Variants in MACROH2A1 observed in about 807,000 individuals in gnomAD.
MACROH2A1 encodes the protein core histone macro-H2A.1.
Under a neutral mutation model 31.6 loss-of-function variants are expected in MACROH2A1, and 2 were observed. The observed-to-expected ratio is 0.06, with a 90% confidence interval of 0.03 to 0.20. The LOEUF (loss-of-function observed/expected upper bound fraction) is 0.20. MACROH2A1 is among the 10% of genes least tolerant of loss of function. The pLI is 1.00. For missense variants in MACROH2A1, 230 were observed against 474.0 expected, an observed-to-expected ratio of 0.49 and a Z score of 4.78; for synonymous variants, 169 against 189.6, an observed-to-expected ratio of 0.89 and a Z score of 0.89.
chr5:135,351,579 T>TTTTTTTTTG, intron 6 of MACROH2A1: 1 of 133,534 alleles, frequency 7.5e-6, no homozygotes, highest in Non-Finnish European at 1.6e-5. Context: ...TTTTTTTTTT[T>TTTTTTTTTG]TTACAGATAG....
At chr5:135,385,773 C>G (rs1766318849) in intron 2 of MACROH2A1, among the ~76,000 whole-genome samples, 1 of 152,212 alleles carries the variant, frequency 6.6e-6, no homozygotes, top group African/African-American at 2.4e-5. Flanking sequence ...ATCTCCAAGC[C>G]CCCAAGCAGC....
At position 135,334,662 on chromosome 5, in the gene MACROH2A1, C is replaced by T. The variant is rs569639919; in HGVS notation, c.*314G>A. ...CCTGGCTTCGGTGACAGGTAAAAGA[C>T]GCTGTTCTCCCCACTGCTGTGCGTC... On this transcript the variant is annotated 3_prime_UTR_variant, in exon 9 of 9. Transcript: ENST00000511689. 18 of 237,380 alleles carry T rather than the reference C, an allele frequency of 7.6e-5. No individual in the cohort carries two copies. The highest frequency in any genetic ancestry group is 4.1e-4 in the Admixed American group (8 of 19,448). 14.7% of individuals were successfully genotyped at this position (237,380 alleles called of 1,614,324 possible). A position where few individuals can be genotyped will look rare whatever the true frequency, so the allele number is the denominator to read the frequency against.
chr5:135,368,842 G>A (rs1763837341), intron 4 of MACROH2A1, among the ~76,000 whole-genome samples: 1 of 152,176 alleles, frequency 6.6e-6, no homozygotes, highest in Non-Finnish European at 1.5e-5. Flanking sequence ...TAACACTAAT[G>A]AGAGGGTTTC....
Position 135,398,393 on chromosome 5 carries a change from C to A in MACROH2A1, c.-34+669G>T, listed in dbSNP as rs1002044358. 2.0e-5 allele frequency among the ~76,000 whole-genome samples: 3 copies of A among 152,214 alleles called. No individual in the cohort carries two copies. The highest frequency in any genetic ancestry group is 7.2e-5 in the African/African-American group (3 of 41,454). On this transcript the variant is annotated intron_variant, in intron 1 of 8. Coordinates refer to ENST00000511689, the MANE Select transcript of MACROH2A1 (RefSeq NM_138610.3). This position sits in a 1 kb window ranked among gnomAD's most constrained non-coding sequence, Gnocchi z 4.6. Reference sequence around the variant, plus strand: ...CAAACCCTTCCTACCACAAAGCAAACAAAAGGCTGATACCGAGACAATCGG... The same window carrying A: ...CAAACCCTTCCTACCACAAAGCAAAAAAAAGGCTGATACCGAGACAATCGG...
rs1382246712 is a variant in MACROH2A1, at chr5:135,398,091, G to C, written c.-34+971C>G. 6.6e-6 allele frequency among the ~76,000 whole-genome samples: 1 copy of C among 152,178 alleles called. No homozygotes were observed. The highest frequency in any genetic ancestry group is 1.5e-5 in the Non-Finnish European group (1 of 68,042). On this transcript the variant is annotated intron_variant, in intron 1 of 8. Coordinates refer to ENST00000511689, the MANE Select transcript of MACROH2A1 (RefSeq NM_138610.3). This position sits in a 1 kb window ranked among gnomAD's most constrained non-coding sequence, Gnocchi z 4.6. ...AAGGTTTGTCCCAGTTGTTTGTACA[G>C]AAGTCTCTCACTTTGAAACTCAGAA... is the stretch of plus-strand genomic sequence containing the variant.
chr5:135,389,081 C>A lies in MACROH2A1; in HGVS notation c.13G>T (p.Gly5Cys). Residue 5 changes from glycine to cysteine, a missense_variant, in exon 2 of 9, where the codon GGT (glycine) becomes TGT (cysteine). Transcript: ENST00000511689. Reference protein sequence around the residue: MSSRGGKKKSTKTSR... With the variant: MSSRCGKKKSTKTSR... Reference sequence around the variant, plus strand: ...GTCTTGGTGGACTTCTTCTTCCCACCGCGGCTCGACATGGCGGTGGCCCTG... The same window carrying A: ...GTCTTGGTGGACTTCTTCTTCCCACAGCGGCTCGACATGGCGGTGGCCCTG... 5 of 1,613,156 alleles carry A rather than the reference C, an allele frequency of 3.1e-6. No homozygotes were observed. Among genetic ancestry groups the A allele is most frequent in the Non-Finnish European group, 4.2e-6 (5 of 1,179,216 alleles).
At chr5:135,384,671 CCCTT>C (rs1435539608) in intron 2 of MACROH2A1, among the ~76,000 whole-genome samples, 1 of 152,194 alleles carries the variant, frequency 6.6e-6, no homozygotes, top group Non-Finnish European at 1.5e-5. Context: ...ACTGGAGACT[CCCTT>C]CCTCTCTCAT....
At chr5:135,349,528 C>T (rs1267454930) in intron 6 of MACROH2A1, among the ~76,000 whole-genome samples, 1 of 152,008 alleles carries the variant, frequency 6.6e-6, no homozygotes, top group Non-Finnish European at 1.5e-5. Flanking sequence ...GTGATTAGTC[C>T]AAATTGCAGT....
At chr5:135,392,083 G>C (rs1442415509) in intron 1 of MACROH2A1, among the ~76,000 whole-genome samples, 1 of 152,194 alleles carries the variant, frequency 6.6e-6, no homozygotes, top group Admixed American at 6.5e-5. Flanking sequence ...TGAACACGCA[G>C]TTCTCCTGCC....
chr5:135,336,516 A>AGCCACAGAGCGCG (rs1554085687), intron 8 of MACROH2A1, among the ~76,000 whole-genome samples: 17 of 151,812 alleles, frequency 1.1e-4, no homozygotes, highest in Non-Finnish European at 8.8e-5. Context: ...GCAGCTCCTC[A>AGCCACAGAGCGCG]GCCACAGAGC....
chr5:135,366,230 C>G (rs757584780), intron 4 of MACROH2A1, among the ~76,000 whole-genome samples: 1 of 152,232 alleles, frequency 6.6e-6, no homozygotes, highest in Admixed American at 6.5e-5. Context: ...TTCACAGCAG[C>G]GTAAGAATGG....
intron 4 of MACROH2A1, among the ~76,000 whole-genome samples, chr5:135,368,632 G>A (rs1763813023): frequency 1.3e-5 from 2 of 152,218 alleles, no homozygotes. Context: ...GTTGGCTCTG[G>A]AGGCTGTGAC....
At chr5:135,340,136 G>A (rs1198006166) in intron 8 of MACROH2A1, among the ~76,000 whole-genome samples, 2 of 152,124 alleles carry the variant, frequency 1.3e-5, no homozygotes, top group Non-Finnish European at 2.9e-5. Context: ...GGAGATGGGA[G>A]GCAGGGGTTC....
intron 7 of MACROH2A1, chr5:135,344,217 C>T (rs1314359982): frequency 6.6e-6 from 1 of 152,286 alleles, no homozygotes; most frequent in Non-Finnish European, 1.5e-5. Flanking sequence ...AGAGCATGTT[C>T]CAGAACCCCT....
At position 135,398,451 on chromosome 5, in the gene MACROH2A1, C is replaced by G. The variant is rs1022370102; in HGVS notation, c.-34+611G>C. 6.6e-6 allele frequency among the ~76,000 whole-genome samples: 1 copy of G among 152,230 alleles called. No homozygotes were observed. Among genetic ancestry groups the G allele is most frequent in the Non-Finnish European group, 1.5e-5 (1 of 68,038 alleles). ...GGGGGTTCCCGTGGCCCCTCTCCAG[C>G]CCATCCTTGGACCACTCCCCAACCC... On this transcript the variant is annotated intron_variant, in intron 1 of 8. Transcript: ENST00000511689. The surrounding 1 kb of genome is among the most constrained non-coding windows in gnomAD (Gnocchi z 4.6).
chr5:135,397,117 T>C (rs756230352), intron 1 of MACROH2A1, among the ~76,000 whole-genome samples: 2 of 152,144 alleles, frequency 1.3e-5, no homozygotes, highest in Admixed American at 6.5e-5. Context: ...TAGAGTCTTG[T>C]TGGGTTCTTC....
chr5:135,370,406 G>A (rs556025380), intron 2 of MACROH2A1, among the ~76,000 whole-genome samples: 8 of 152,328 alleles, frequency 5.3e-5, no homozygotes, highest in Non-Finnish European at 1.2e-4. Context: ...ATCACTGAGT[G>A]AGTGAGTGGG....
At chr5:135,353,233 C>T in intron 5 of MACROH2A1, 188 bp from the exon 6 acceptor site, 1 of 557,250 alleles carries the variant, frequency 1.8e-6, no homozygotes, top group East Asian at 3.0e-5. Flanking sequence ...GATGCGGGAG[C>T]AAGCAAACTA....
At chr5:135,353,388 A>G in intron 5 of MACROH2A1, 1 of 271,652 alleles carries the variant, frequency 3.7e-6, no homozygotes, top group Non-Finnish European at 7.1e-6. Flanking sequence ...ATGAGTACTC[A>G]TTGCTGAGGG....
Sources: allele counts gnomAD v4.1 joint callset (sites outside exome capture counted in the v4.1 genomes callset), GRCh38; gene constraint gnomAD v4.1.1; non-coding constraint Gnocchi (gnomAD v3.1); transcripts MANE v1.5; gene names NCBI Gene and HGNC (gene_info 2026-07-23, HGNC 2026-07-21).